Variants in PRKCZ observed in about 807,000 individuals in gnomAD.
The protein encoded by PRKCZ is protein kinase C zeta type.
In PRKCZ, 33 loss-of-function variants were observed where a neutral mutation model predicts 79.5. The ratio of observed to expected loss-of-function variants is 0.41; its 90% CI spans 0.31 to 0.55. The LOEUF is 0.55. Among genes scored for constraint, PRKCZ ranks in the 20% least tolerant of loss-of-function variants. The probability of loss-of-function intolerance (pLI) is 0.19; values close to 1 mark genes in which losing one functional copy is unlikely to be tolerated. For synonymous variants in PRKCZ, 342 were observed against 320.9 expected, an observed-to-expected ratio of 1.07 and a Z score of -0.70; for missense variants, 578 against 813.5, an observed-to-expected ratio of 0.71 and a Z score of 3.52.
At chr1:2,054,545 A>G (rs1243767497) in intron 1 of PRKCZ, among the ~76,000 whole-genome samples, 3 of 150,976 alleles carry the variant, frequency 2.0e-5, no homozygotes, top group Non-Finnish European at 4.4e-5. Context: ...AAGATAAAAC[A>G]CACTGACTCT....
In PRKCZ at chr1:2,094,173, G is replaced by A. The variant is rs1666010903; in HGVS notation, c.334+34582G>A. Among the ~76,000 whole-genome samples the A allele has an allele frequency of 6.6e-6, 1 of 152,074 alleles. No homozygotes were observed. The highest frequency in any genetic ancestry group is 6.5e-5 in the Admixed American group (1 of 15,276). ...TCCGTCGCCATCCCTCCCCCGTCCCGGGAGCAGCCCCCCCACTTCCACCTG... is the reference window on the plus strand; with the variant it reads ...TCCGTCGCCATCCCTCCCCCGTCCCAGGAGCAGCCCCCCCACTTCCACCTG... On this transcript the variant is annotated intron_variant, in intron 4 of 17. Coordinates refer to ENST00000378567, the MANE Select transcript of PRKCZ (RefSeq NM_002744.6). This position sits in a 1 kb window ranked among gnomAD's most constrained non-coding sequence, Gnocchi z 7.3.
intron 10 of PRKCZ, among the ~76,000 whole-genome samples, chr1:2,159,002 T>A (rs1681678209): frequency 6.6e-6 from 1 of 152,044 alleles, no homozygotes; most frequent in Non-Finnish European, 1.5e-5. Flanking sequence ...CTCGGCTCAC[T>A]GCAACTTCCA....
intron 4 of PRKCZ, among the ~76,000 whole-genome samples, chr1:2,121,952 G>A (rs1298490694): frequency 1.0e-5 from 1 of 98,884 alleles, no homozygotes; most frequent in Admixed American, 1.2e-4. Flanking sequence ...TTAGGGTCAC[G>A]GCGGTGGTTA....
intron 16 of PRKCZ, 48 bp downstream of exon 16, chr1:2,175,361 C>T: frequency 1.3e-6 from 2 of 1,482,190 alleles, no homozygotes; most frequent in Non-Finnish European, 9.3e-7. Flanking sequence ...ATCCCAACCC[C>T]AAATCTACCC....
At position 2,077,089 on chromosome 1, in the gene PRKCZ, C is replaced by T. The variant is rs188059424; in HGVS notation, c.334+17498C>T. Among the ~76,000 whole-genome samples the T allele has an allele frequency of 8.2e-4, 125 of 152,326 alleles. 1 individual carries two copies. The East Asian group carries it at 0.018, about 22-fold the overall frequency. On this transcript the variant is annotated intron_variant, in intron 4 of 17. Transcript: ENST00000378567. ...GGAGAGGCGAGACACCAAGTTGACA[C>T]GAACAGATCCCTGCTGCCGGTTGTT... is the stretch of plus-strand genomic sequence containing the variant.
At chr1:2,146,134 G>A in intron 7 of PRKCZ, 26 bp downstream of exon 7, 1 of 1,596,508 alleles carries the variant, frequency 6.3e-7, no homozygotes, top group Non-Finnish European at 8.6e-7. Context: ...TTCCGGCCGG[G>A]TAGAGCCTGG....
At chr1:2,164,820 C>T (rs147932559) in intron 10 of PRKCZ, among the ~76,000 whole-genome samples, 118 of 152,194 alleles carry the variant, frequency 7.8e-4, no homozygotes, top group Non-Finnish European at 1.3e-3. Context: ...CTCGCTCCGC[C>T]CTGGCTTTCG....
At position 2,081,664 on chromosome 1, in the gene PRKCZ, G is replaced by A. The variant is rs572477909; in HGVS notation, c.334+22073G>A. 2.3e-3 allele frequency among the ~76,000 whole-genome samples: 348 copies of A among 152,288 alleles called. 2 individuals carry two copies. The highest frequency in any genetic ancestry group is 8.0e-3 in the African/African-American group (332 of 41,556). On this transcript the variant is annotated intron_variant, in intron 4 of 17. Coordinates refer to ENST00000378567, the MANE Select transcript of PRKCZ (RefSeq NM_002744.6). ...GGTGGCGTGGTGATGTCGGGGCTGC[G>A]GTTGGGGGACTGACCCCGCATACTC...
At position 2,070,302 on chromosome 1, in the gene PRKCZ, T is replaced by C. The variant is rs190631438; in HGVS notation, c.334+10711T>C. Among the ~76,000 whole-genome samples the C allele has an allele frequency of 2.6e-5, 4 of 152,254 alleles. No homozygotes were observed. In the East Asian group the frequency reaches 7.7e-4, roughly 29 times the overall value. On this transcript the variant is annotated intron_variant, in intron 4 of 17. Coordinates refer to ENST00000378567, the MANE Select transcript of PRKCZ (RefSeq NM_002744.6). The stretch of plus-strand genomic sequence containing the variant: ...CGTAGCAGGCAGCCCCACCCCACTG[T>C]AGCCCATCTTGTCACTTAGGGTGGT...
chr1:2,110,943 A>C (rs1249588957), intron 4 of PRKCZ, among the ~76,000 whole-genome samples: 1 of 152,008 alleles, frequency 6.6e-6, no homozygotes, highest in African/African-American at 2.4e-5. Flanking sequence ...AAGCTTGCAC[A>C]CGTCCCTGCG....
chr1:2,154,216 G>A (rs931495836), intron 9 of PRKCZ, among the ~76,000 whole-genome samples: 3 of 152,176 alleles, frequency 2.0e-5, no homozygotes, highest in African/African-American at 4.8e-5. Flanking sequence ...ATGCGGGCTG[G>A]CGAGGAGCTC....
chr1:2,182,087 C>T, intron 16 of PRKCZ: 1 of 308,732 alleles, frequency 3.2e-6, no homozygotes, highest in South Asian at 2.5e-5. Context: ...TTGTGGCATC[C>T]TAGTAGATGC....
intron 7 of PRKCZ, among the ~76,000 whole-genome samples, chr1:2,146,339 G>T (rs1678513864): frequency 6.6e-6 from 1 of 152,222 alleles, no homozygotes; most frequent in African/African-American, 2.4e-5. Flanking sequence ...TGCTGGGCAG[G>T]GATGCCTCCG....
intron 4 of PRKCZ, among the ~76,000 whole-genome samples, chr1:2,087,215 T>G (rs986436351): frequency 1.3e-5 from 2 of 152,088 alleles, no homozygotes; most frequent in Non-Finnish European, 2.9e-5. Context: ...CCTGAGTAGC[T>G]GGGATTACAG....
chr1:2,073,789 C>A (rs577625422), intron 4 of PRKCZ: 3 of 1,019,892 alleles, frequency 2.9e-6, no homozygotes, highest in Admixed American at 1.0e-4. Flanking sequence ...TCCTCGCGCT[C>A]GAGCCTCCCT....
In PRKCZ at chr1:2,094,025, G is replaced by C. The variant is rs559234666; in HGVS notation, c.334+34434G>C. Among the ~76,000 whole-genome samples the C allele has an allele frequency of 6.6e-6, 1 of 152,162 alleles. No homozygotes were observed. Among genetic ancestry groups the C allele is most frequent in the East Asian group, 1.9e-4 (1 of 5,196 alleles). On this transcript the variant is annotated intron_variant, in intron 4 of 17. Coordinates refer to ENST00000378567, the MANE Select transcript of PRKCZ (RefSeq NM_002744.6). This position sits in a 1 kb window ranked among gnomAD's most constrained non-coding sequence, Gnocchi z 7.3. ...CACGTGTGTCTGCTCCCTGCGGCAC[G>C]TCCACAGCACCTGCCAGCCCACTTT...
intron 4 of PRKCZ, among the ~76,000 whole-genome samples, chr1:2,130,781 G>A (rs1313898508): frequency 2.0e-5 from 3 of 152,010 alleles, no homozygotes; most frequent in Non-Finnish European, 4.4e-5. Context: ...TCACCCTCAT[G>A]GAAACATCCA....
In PRKCZ at chr1:2,168,986, T is replaced by G. The variant is rs1394604036; in HGVS notation, c.975-532T>G. On this transcript the variant is annotated intron_variant, in intron 10 of 17. Coordinates refer to ENST00000378567, the MANE Select transcript of PRKCZ (RefSeq NM_002744.6). This position sits in a 1 kb window ranked among gnomAD's most constrained non-coding sequence, Gnocchi z 4.7. ...GATCTTTTAAAATCATACGATCATG[T>G]CTGCGAAACCGGGATGCCACTTCCC... 1.1e-5 allele frequency: 4 copies of G among 365,574 alleles called. No individual in the cohort carries two copies. The highest frequency in any genetic ancestry group is 7.9e-5 in the South Asian group (4 of 50,778). 22.6% of individuals were successfully genotyped at this position (365,574 alleles called of 1,614,324 possible).
At chr1:2,164,009 G>T (rs1267619070) in intron 10 of PRKCZ, among the ~76,000 whole-genome samples, 1 of 152,174 alleles carries the variant, frequency 6.6e-6, no homozygotes, top group African/African-American at 2.4e-5. Flanking sequence ...GGAATGAATG[G>T]TGTCATCGTA....
Sources: allele counts gnomAD v4.1 joint callset (sites outside exome capture counted in the v4.1 genomes callset), GRCh38; gene constraint gnomAD v4.1.1; non-coding constraint Gnocchi (gnomAD v3.1); transcripts MANE v1.5; gene names NCBI Gene and HGNC (gene_info 2026-07-23, HGNC 2026-07-21).